Variants in GRIP1 observed in about 807,000 individuals in gnomAD.
GRIP1 encodes the protein glutamate receptor interacting protein 1, also known as glutamate receptor-interacting protein 1.
Under a neutral mutation model 129.9 loss-of-function variants are expected in GRIP1, and 45 were observed. That is an observed-to-expected ratio of 0.35 (90% CI 0.27 to 0.44). The LOEUF (loss-of-function observed/expected upper bound fraction) is 0.44. Among genes scored for constraint, GRIP1 ranks in the 20% least tolerant of loss-of-function variants. The pLI is 1.00. For missense variants in GRIP1, 1,196 were observed against 1,396.8 expected (o/e 0.86, Z 2.29); for synonymous variants, 530 against 520.8 (o/e 1.02, Z -0.24).
chr12:66,387,829 C>A (rs1167245496), intron 19 of GRIP1, among the ~76,000 whole-genome samples: 1 of 152,064 alleles, frequency 6.6e-6, no homozygotes, highest in Non-Finnish European at 1.5e-5. Flanking sequence ...AGGAGGATAC[C>A]ATTGGGTTTC....
intron 7 of GRIP1, among the ~76,000 whole-genome samples, chr12:66,481,555 C>T (rs2138565013): frequency 6.6e-6 from 1 of 152,274 alleles, no homozygotes; most frequent in Non-Finnish European, 1.5e-5. Context: ...CCTCAAGGAT[C>T]TTGAACCAAA....
intron 1 of GRIP1, among the ~76,000 whole-genome samples, chr12:66,900,785 G>A (rs1269390984): frequency 2.6e-5 from 4 of 152,140 alleles, no homozygotes; most frequent in Admixed American, 6.5e-5. Context: ...GACCACCCAT[G>A]GGAAGCTAGG....
intron 1 of GRIP1, among the ~76,000 whole-genome samples, chr12:67,036,155 CAG>C (rs1175788609): frequency 6.6e-6 from 1 of 152,112 alleles, no homozygotes; most frequent in Non-Finnish European, 1.5e-5. Flanking sequence ...GTGATATATC[CAG>C]AGTCTTAAAA....
intron 1 of GRIP1, among the ~76,000 whole-genome samples, chr12:66,851,906 A>T (rs2039919000): frequency 6.6e-6 from 1 of 152,100 alleles, no homozygotes; most frequent in Admixed American, 6.6e-5. Context: ...ATTTTTACAG[A>T]TCATAAAACT....
intron 1 of GRIP1, among the ~76,000 whole-genome samples, chr12:66,924,562 G>A (rs1006987206): frequency 1.3e-5 from 2 of 152,182 alleles, no homozygotes; most frequent in Non-Finnish European, 2.9e-5. Flanking sequence ...GTATGGAAAT[G>A]CACTAGTTAG....
intron 1 of GRIP1, among the ~76,000 whole-genome samples, chr12:66,619,261 A>G (rs1319729411): frequency 6.6e-6 from 1 of 152,172 alleles, no homozygotes; most frequent in Admixed American, 6.6e-5. Context: ...CTTTTAAAAC[A>G]GAGTACAAAG....
Position 66,541,801 on chromosome 12 carries a change from C to T in GRIP1, c.272+14G>A, listed in dbSNP as rs763110989. On this transcript the variant is annotated intron_variant, in intron 3 of 24. Coordinates refer to ENST00000359742, the MANE Select transcript of GRIP1 (RefSeq NM_001366722.1). The stretch of plus-strand genomic sequence containing the variant: ...CTGTGTTCCTTTCAGTAGATTTCCC[C>T]AAGAGGCAGTTACCTAGCAGCAATT... The T allele has an allele frequency of 6.2e-7, 1 of 1,613,524 alleles. No homozygotes were observed. Among genetic ancestry groups the T allele is most frequent in the South Asian group, 1.1e-5 (1 of 91,054 alleles).
At chr12:66,763,703 T>C (rs568057377) in intron 1 of GRIP1, among the ~76,000 whole-genome samples, 90 of 152,326 alleles carry the variant, frequency 5.9e-4, no homozygotes, top group Admixed American at 1.2e-3. Flanking sequence ...CCAAAGCACA[T>C]GTCAGGAGGG....
At chr12:67,046,475 T>C (rs2043256084) in intron 1 of GRIP1, among the ~76,000 whole-genome samples, 1 of 152,246 alleles carries the variant, frequency 6.6e-6, no homozygotes, top group Admixed American at 6.5e-5. Flanking sequence ...ATGTTAATTT[T>C]AATAATTTTG....
At chr12:66,480,198 G>C (rs923392586) in intron 7 of GRIP1, among the ~76,000 whole-genome samples, 1 of 152,144 alleles carries the variant, frequency 6.6e-6, no homozygotes, top group African/African-American at 2.4e-5. Context: ...ATCTTTTTAA[G>C]GTGATAAGCA....
upstream of GRIP1, among the ~76,000 whole-genome samples, chr12:66,808,723 C>T (rs769334966): frequency 2.0e-5 from 3 of 152,106 alleles, no homozygotes; most frequent in Non-Finnish European, 4.4e-5. Context: ...TCCAATATGG[C>T]AACTATTGAT....
Position 66,456,297 on chromosome 12 carries a change from G to T in GRIP1, c.1088C>A (p.Ala363Asp). 1 of 1,289,296 alleles carries T rather than the reference G, an allele frequency of 7.8e-7. No homozygotes were observed. Among genetic ancestry groups the T allele is most frequent in the Non-Finnish European group, 1.0e-6 (1 of 988,218 alleles). 79.9% of individuals were successfully genotyped at this position (1,289,296 alleles called of 1,614,324 possible). ...SDRQLTWDSWASNHSSLHTNH... is the reference protein window; with the variant it reads ...SDRQLTWDSWDSNHSSLHTNH... ...GGTGTGAAGGCTGCTGTGGTTGCTGGCCCAGGAATCCCAGGTAAGTTGCCT... is the reference window on the plus strand; with the variant it reads ...GGTGTGAAGGCTGCTGTGGTTGCTGTCCCAGGAATCCCAGGTAAGTTGCCT... The change falls in exon 10 of 25, where the codon GCC becomes GAC. Residue 363 changes from alanine to aspartate, a missense_variant. Physicochemically the swap from Ala to Asp is moderately radical, Grantham distance 126. This residue lies in a region of GRIP1 where 508 missense variants were observed against 587.0 expected (regional missense o/e 0.87). Transcript: ENST00000359742.
intron 4 of GRIP1, among the ~76,000 whole-genome samples, chr12:66,531,844 G>T: frequency 6.6e-6 from 1 of 152,034 alleles, no homozygotes; most frequent in East Asian, 1.9e-4. Flanking sequence ...GATATGGAAA[G>T]AAATAATTAA....
At chr12:66,757,983 A>G (rs2037349969) in intron 1 of GRIP1, among the ~76,000 whole-genome samples, 1 of 152,228 alleles carries the variant, frequency 6.6e-6, no homozygotes, top group African/African-American at 2.4e-5. Context: ...TTACCCAAAT[A>G]AATCTAGGAA....
At chr12:66,381,688 A>G (rs1298183258) in intron 19 of GRIP1, among the ~76,000 whole-genome samples, 2 of 152,194 alleles carry the variant, frequency 1.3e-5, no homozygotes, top group African/African-American at 4.8e-5. Context: ...GTTCTTGGAG[A>G]CTTAGGCAAG....
At chr12:66,454,014 T>G (rs1457592897) in intron 11 of GRIP1, among the ~76,000 whole-genome samples, 1 of 152,258 alleles carries the variant, frequency 6.6e-6, no homozygotes, top group African/African-American at 2.4e-5. Context: ...AATTTCATTT[T>G]TACTATCATT....
At chr12:66,499,738 C>T (rs866604460) in intron 7 of GRIP1, among the ~76,000 whole-genome samples, 1 of 152,202 alleles carries the variant, frequency 6.6e-6, no homozygotes. Context: ...TACAATGGCT[C>T]ATGCCTGTAA....
intron 1 of GRIP1, among the ~76,000 whole-genome samples, chr12:66,803,181 G>T (rs1406801713): frequency 1.3e-5 from 2 of 152,166 alleles, no homozygotes; most frequent in African/African-American, 4.8e-5. Flanking sequence ...GAACGAATTA[G>T]AATTGAAATA....
At chr12:66,823,481 T>A (rs2039356627) in intron 1 of GRIP1, among the ~76,000 whole-genome samples, 1 of 152,178 alleles carries the variant, frequency 6.6e-6, no homozygotes, top group Admixed American at 6.5e-5. Context: ...CAATGATCAT[T>A]TACAGCTTCC....
Sources: gnomAD v4.1 joint callset for allele counts (sites outside exome capture counted in the v4.1 genomes callset) on GRCh38, gnomAD v4.1.1 for gene constraint, gnomAD v4.1.1 regional missense constraint, MANE v1.5 for transcripts, NCBI Gene and HGNC (gene_info 2026-07-23, HGNC 2026-07-21) for gene names.